Variants in PRELID2 observed in about 807,000 individuals in gnomAD.
PRELID2 encodes PRELI domain containing 2, also known as PRELI domain-containing protein 2.
A neutral mutation model predicts 28.4 loss-of-function variants in PRELID2; 25 were observed. That is an observed-to-expected ratio of 0.88 (90% CI 0.64 to 1.23). PRELID2 has a LOEUF of 1.23. Among genes scored for constraint, PRELID2 ranks in the 50% most tolerant of loss-of-function variants. PRELID2 has a pLI of 0.00. For synonymous variants in PRELID2, 76 were observed against 71.6 expected (o/e 1.06, Z -0.31); for missense variants, 201 against 214.4 (o/e 0.94, Z 0.39).
chr5:145,255,497 G>A, the PRELID2 span, among the ~76,000 whole-genome samples: 2 of 152,094 alleles, frequency 1.3e-5, no homozygotes, highest in African/African-American at 4.8e-5. Context: ...TTATTGGCTC[G>A]GTGCAGTGGC....
At chr5:145,331,152 T>C in the PRELID2 span, among the ~76,000 whole-genome samples, 2 of 152,250 alleles carry the variant, frequency 1.3e-5, no homozygotes, top group Non-Finnish European at 2.9e-5. Context: ...TTTGTTATGA[T>C]TTCCATTCTT....
At chr5:145,353,319 T>A in the PRELID2 span, among the ~76,000 whole-genome samples, 8 of 152,062 alleles carry the variant, frequency 5.3e-5, no homozygotes, top group South Asian at 1.7e-3. Flanking sequence ...AAAAATCAGC[T>A]GGGTGTGGTA....
intron 1 of PRELID2, among the ~76,000 whole-genome samples, chr5:145,731,471 T>G (rs189557285): frequency 1.3e-5 from 2 of 152,190 alleles, no homozygotes; most frequent in Non-Finnish European, 2.9e-5. Context: ...GAGTACGACA[T>G]GGGAAAAAGC....
the PRELID2 span, among the ~76,000 whole-genome samples, chr5:145,395,666 A>G: frequency 3.3e-4 from 51 of 152,334 alleles, no homozygotes; most frequent in African/African-American, 9.9e-4. Context: ...GATGTTATGC[A>G]ACATAATTTT....
In PRELID2 at chr5:145,835,211, G is replaced by A. The variant is rs1291926762; in HGVS notation, c.41C>T (p.Pro14Leu). The A allele has an allele frequency of 6.4e-7, 1 of 1,550,428 alleles. No individual in the cohort carries two copies. The highest frequency in any genetic ancestry group is 8.7e-7 in the Non-Finnish European group (1 of 1,146,442). ...SVDVHQVYKY[P>L]FEQVVASFLR... The stretch of plus-strand genomic sequence containing the variant: ...AAAGCTGGCGACCACCTGCTCGAAG[G>A]GGTACTTGTACACCTGGTGCACATC... The change falls in exon 1 of 7, where the codon CCC (proline) becomes CTC (leucine). Residue 14 changes from proline to leucine, a missense_variant. Physicochemically the swap from Pro to Leu is moderately conservative, Grantham distance 98. Transcript: ENST00000683046.
chr5:145,639,160 G>A (rs898695621), intron 1 of PRELID2, among the ~76,000 whole-genome samples: 2 of 152,198 alleles, frequency 1.3e-5, no homozygotes, highest in African/African-American at 4.8e-5. Context: ...GTTTCAAACT[G>A]TAGCTAATAG....
At chr5:145,791,771 A>C (rs1752412109) in intron 5 of PRELID2, among the ~76,000 whole-genome samples, 1 of 152,216 alleles carries the variant, frequency 6.6e-6, no homozygotes, top group African/African-American at 2.4e-5. Context: ...ACAAACTTTT[A>C]ATATTATTTT....
At chr5:145,287,284 TTAA>T in the PRELID2 span, among the ~76,000 whole-genome samples, 3 of 152,106 alleles carry the variant, frequency 2.0e-5, no homozygotes, top group African/African-American at 4.8e-5. Context: ...ATTACAATAA[TTAA>T]TAATAAAATA....
At chr5:145,538,215 T>C (rs1752718407) in intron 1 of PRELID2, among the ~76,000 whole-genome samples, 1 of 151,902 alleles carries the variant, frequency 6.6e-6, no homozygotes, top group Non-Finnish European at 1.5e-5. Flanking sequence ...ATGTCCTTTT[T>C]TATGCCAGTA....
At chr5:145,373,305 GA>G in the PRELID2 span, among the ~76,000 whole-genome samples, 1,410 of 94,576 alleles carry the variant, frequency 0.015, 282 homozygotes, top group Non-Finnish European at 0.021. Flanking sequence ...TATAATATAC[GA>G]TATATATTAC....
chr5:145,470,553 G>A (rs188142413), downstream of PRELID2, among the ~76,000 whole-genome samples: 16 of 152,230 alleles, frequency 1.1e-4, no homozygotes, highest in African/African-American at 3.6e-4. Context: ...GAGACATAAA[G>A]AGTTGCATAA....
the PRELID2 span, among the ~76,000 whole-genome samples, chr5:145,321,347 A>C: frequency 6.6e-6 from 1 of 152,194 alleles, no homozygotes; most frequent in Non-Finnish European, 1.5e-5. Context: ...TTTAGGTAGC[A>C]CTCTTTCTTG....
the PRELID2 span, among the ~76,000 whole-genome samples, chr5:145,415,447 C>G: frequency 1.4e-5 from 2 of 141,332 alleles, no homozygotes; most frequent in Admixed American, 1.4e-4. Context: ...CACCCCACAA[C>G]AGTCCCCAGA....
the PRELID2 span, among the ~76,000 whole-genome samples, chr5:145,255,496 C>T: frequency 4.6e-5 from 7 of 151,784 alleles, no homozygotes; most frequent in Non-Finnish European, 7.4e-5. Flanking sequence ...ATTATTGGCT[C>T]GGTGCAGTGG....
chr5:145,253,648 C>T, the PRELID2 span, among the ~76,000 whole-genome samples: 1 of 151,970 alleles, frequency 6.6e-6, no homozygotes, highest in South Asian at 2.1e-4. Context: ...CTCTTTGCCT[C>T]TCCTTGTAGA....
the PRELID2 span, among the ~76,000 whole-genome samples, chr5:145,373,350 A>G: frequency 3.2e-5 from 3 of 94,934 alleles, no homozygotes; most frequent in African/African-American, 1.3e-4. Context: ...ATTACAACAT[A>G]TATAATATAT....
rs570781455 is a variant in PRELID2, at chr5:145,758,072, G to A, written c.*2464C>T. ...CTGTCCTTAACACTCTGGAAGCAGA[G>A]GCTAAAAACTACTGGCTGGCAAACA... On this transcript the variant is annotated 3_prime_UTR_variant, in exon 7 of 7. Transcript: ENST00000683046. 2.0e-5 allele frequency among the ~76,000 whole-genome samples: 3 copies of A among 152,228 alleles called. No homozygotes were observed. In the East Asian group the frequency reaches 5.8e-4, roughly 29 times the overall value.
At chr5:145,698,308 A>G (rs989725867) in intron 1 of PRELID2, among the ~76,000 whole-genome samples, 1 of 152,346 alleles carries the variant, frequency 6.6e-6, no homozygotes, top group African/African-American at 2.4e-5. Flanking sequence ...TGATATTTTA[A>G]CTTTTAAATG....
At chr5:145,761,940 T>A (rs1020786092) in intron 6 of PRELID2, among the ~76,000 whole-genome samples, 3 of 152,102 alleles carry the variant, frequency 2.0e-5, no homozygotes, top group Non-Finnish European at 4.4e-5. Context: ...AACATAGGCA[T>A]ATTTCAAACT....
Sources: gnomAD v4.1 joint callset for allele counts (sites outside exome capture counted in the v4.1 genomes callset) on GRCh38, gnomAD v4.1.1 for gene constraint, MANE v1.5 for transcripts, NCBI Gene and HGNC (gene_info 2026-07-23, HGNC 2026-07-21) for gene names.